Variants in ICOS observed in about 807,000 individuals in gnomAD.
ICOS encodes inducible T-cell costimulator.
ICOS carries 15 observed loss-of-function variants against 24.6 expected under a neutral mutation model. The ratio of observed to expected loss-of-function variants is 0.61; its 90% CI spans 0.41 to 0.94. The LOEUF (loss-of-function observed/expected upper bound fraction) is 0.94, where lower values mean the gene tolerates loss of function less well. Among genes scored for constraint, ICOS ranks in the 40% least tolerant of loss-of-function variants. The pLI is 0.00. For synonymous variants in ICOS, 89 were observed against 77.5 expected (o/e 1.15, Z -0.78); for missense variants, 200 against 233.0 (o/e 0.86, Z 0.92).
chr2:203,948,035 C>T (rs1486800159), intron 1 of ICOS, among the ~76,000 whole-genome samples: 1 of 152,118 alleles, frequency 6.6e-6, no homozygotes, highest in Non-Finnish European at 1.5e-5. Flanking sequence ...AGGTTTGTTG[C>T]TCACTTGGAT....
chr2:203,945,518 C>T (rs934871290), intron 1 of ICOS, among the ~76,000 whole-genome samples: 2 of 152,102 alleles, frequency 1.3e-5, no homozygotes, highest in Admixed American at 1.3e-4. Context: ...TGAACATCAT[C>T]GAGCGTACTG....
intron 1 of ICOS, among the ~76,000 whole-genome samples, chr2:203,941,395 C>A (rs1473488004): frequency 6.6e-6 from 1 of 152,090 alleles, no homozygotes; most frequent in Admixed American, 6.5e-5. Flanking sequence ...ATTCCCATTT[C>A]TTGGTAGAAA....
At chr2:203,950,752 T>TA (rs1689955066) in intron 1 of ICOS, among the ~76,000 whole-genome samples, 2 of 152,044 alleles carry the variant, frequency 1.3e-5, no homozygotes, top group South Asian at 2.1e-4. Flanking sequence ...AAGTTAAAGA[T>TA]AAAAAAATGA....
At chr2:203,957,032 G>T (rs1690089355) in intron 3 of ICOS, among the ~76,000 whole-genome samples, 1 of 152,118 alleles carries the variant, frequency 6.6e-6, no homozygotes, top group South Asian at 2.1e-4. Context: ...ACTAGATGAG[G>T]AAATTGAGGT....
chr2:203,940,867 T>A (rs1233615095), intron 1 of ICOS, among the ~76,000 whole-genome samples: 1 of 152,068 alleles, frequency 6.6e-6, no homozygotes, highest in African/African-American at 2.4e-5. Context: ...TACTGCAACC[T>A]CCACCTCCCG....
At chr2:203,949,094 TGGATTGTAAATGGGCA>T (rs1261741056) in intron 1 of ICOS, among the ~76,000 whole-genome samples, 1 of 152,206 alleles carries the variant, frequency 6.6e-6, no homozygotes, top group Non-Finnish European at 1.5e-5. Flanking sequence ...CTGTGGAGAA[TGGATTGTAAATGGGCA>T]GGAGTAAAAG....
rs201031378 is a variant in ICOS, at chr2:203,955,682, C to T, written c.105C>T (p.Asn35=). 96 of 1,613,194 alleles carry T rather than the reference C, an allele frequency of 6.0e-5. No individual in the cohort carries two copies. In the Admixed American group the frequency reaches 8.2e-4, roughly 14 times the overall value. ...ATTATGAGATGTTTATATTTCACAACGGAGGTGTACAAATTTTATGCAAAT... is the reference window on the plus strand; with the variant it reads ...ATTATGAGATGTTTATATTTCACAATGGAGGTGTACAAATTTTATGCAAAT... The part of the protein sequence containing the change: ...SANYEMFIFH[N]GGVQILCKYP... Residue 35 remains asparagine, a synonymous_variant, in exon 2 of 5, where the codon AAC becomes AAT. Coordinates refer to ENST00000316386, the MANE Select transcript of ICOS (RefSeq NM_012092.4).
At chr2:203,943,400 GCCAA>G (rs1689812565) in intron 1 of ICOS, among the ~76,000 whole-genome samples, 1 of 151,882 alleles carries the variant, frequency 6.6e-6, no homozygotes, top group South Asian at 2.1e-4. Flanking sequence ...CTTCCAGTGA[GCCAA>G]ACTGCAGTGA....
chr2:203,939,068 C>G (rs1009479175), intron 1 of ICOS, among the ~76,000 whole-genome samples: 3 of 152,208 alleles, frequency 2.0e-5, no homozygotes, highest in Non-Finnish European at 4.4e-5. Context: ...TAGGCTTTCT[C>G]ATGCCATGAA....
chr2:203,957,860 C>T lies in ICOS; in HGVS notation c.563C>T (p.Thr188Ile), dbSNP rs1160193556. 1 of 1,611,536 alleles carries T rather than the reference C, an allele frequency of 6.2e-7. No homozygotes were observed. The highest frequency in any genetic ancestry group is 2.2e-5 in the East Asian group (1 of 44,848). ...GEYMFMRAVNTAKKSRLTDVT... is the reference protein window; with the variant it reads ...GEYMFMRAVNIAKKSRLTDVT... Reference sequence around the variant, plus strand: ...TACATGTTCATGAGAGCAGTGAACACAGCCAAAAAATCTAGACTCACAGGT... The same window carrying T: ...TACATGTTCATGAGAGCAGTGAACATAGCCAAAAAATCTAGACTCACAGGT... Residue 188 changes from threonine (T) to isoleucine (I), a missense_variant, in exon 4 of 5, where the codon ACA becomes ATA. By Grantham distance (89) the Thr-to-Ile change is moderately conservative. Transcript: ENST00000316386.
At chr2:203,938,097 A>C (rs933431576) in intron 1 of ICOS, among the ~76,000 whole-genome samples, 1 of 152,258 alleles carries the variant, frequency 6.6e-6, no homozygotes, top group Non-Finnish European at 1.5e-5. Flanking sequence ...TTTGGAAGGT[A>C]ACTGCATGGT....
intron 2 of ICOS, among the ~76,000 whole-genome samples, chr2:203,956,318 G>A (rs1169831506): frequency 1.3e-5 from 2 of 152,066 alleles, no homozygotes; most frequent in South Asian, 2.1e-4. Flanking sequence ...AAGATTTAAG[G>A]TTTGGTTTTG....
intron 2 of ICOS, 37 bp downstream of exon 2, chr2:203,956,008 T>A: frequency 6.9e-7 from 1 of 1,448,416 alleles, no homozygotes; most frequent in Non-Finnish European, 9.6e-7. Context: ...CTTAAGAGTA[T>A]ATATATGTTT....
At chr2:203,945,198 T>G (rs1311130112) in intron 1 of ICOS, among the ~76,000 whole-genome samples, 1 of 152,090 alleles carries the variant, frequency 6.6e-6, no homozygotes, top group African/African-American at 2.4e-5. Context: ...AGATCAGTAT[T>G]GAGAAGGCCA....
At chr2:203,945,502 G>A (rs903441225) in intron 1 of ICOS, among the ~76,000 whole-genome samples, 1 of 152,172 alleles carries the variant, frequency 6.6e-6, no homozygotes, top group African/African-American at 2.4e-5. Flanking sequence ...TAGTGATTTT[G>A]TTGTGTGAAC....
intron 1 of ICOS, among the ~76,000 whole-genome samples, chr2:203,954,664 C>A (rs2105753396): frequency 6.6e-6 from 1 of 151,580 alleles, no homozygotes; most frequent in Non-Finnish European, 1.5e-5. Flanking sequence ...ATTATCAGGC[C>A]TTGATTCAGT....
At chr2:203,952,884 G>A (rs1185591896) in intron 1 of ICOS, among the ~76,000 whole-genome samples, 1 of 151,884 alleles carries the variant, frequency 6.6e-6, no homozygotes, top group Non-Finnish European at 1.5e-5. Flanking sequence ...TTGTTTTCTT[G>A]TATGTCTCAT....
chr2:203,953,371 C>T (rs1008120168), intron 1 of ICOS, among the ~76,000 whole-genome samples: 2 of 152,124 alleles, frequency 1.3e-5, no homozygotes, highest in Non-Finnish European at 1.5e-5. Context: ...TTCTTTAATG[C>T]TTTTAATAAT....
chr2:203,956,149 T>C (rs967129192), intron 2 of ICOS, among the ~76,000 whole-genome samples, 178 bp downstream of exon 2: 3 of 152,170 alleles, frequency 2.0e-5, no homozygotes, highest in Non-Finnish European at 4.4e-5. Context: ...TTAATCATAA[T>C]TAGTATTATT....
Sources: allele counts gnomAD v4.1 joint callset (sites outside exome capture counted in the v4.1 genomes callset), GRCh38; gene constraint gnomAD v4.1.1; transcripts MANE v1.5; gene names NCBI Gene and HGNC (gene_info 2026-07-23, HGNC 2026-07-21).